Variants in DAB1 observed in about 807,000 individuals in gnomAD.
The protein encoded by DAB1 is DAB adaptor protein 1.
A neutral mutation model predicts 64.6 loss-of-function variants in DAB1; 15 were observed. That is an observed-to-expected ratio of 0.23 (90% CI 0.16 to 0.36). The LOEUF is 0.36. Among genes scored for constraint, DAB1 ranks in the 10% least tolerant of loss-of-function variants. DAB1 has a pLI of 1.00. For missense variants in DAB1, 596 were observed against 706.7 expected, an observed-to-expected ratio of 0.84 and a Z score of 1.78; for synonymous variants, 235 against 251.9, an observed-to-expected ratio of 0.93 and a Z score of 0.64.
At chr1:57,695,384 GAAAGAAAGAAAGAAAGA>G (rs1557427863) in intron 6 of DAB1, among the ~76,000 whole-genome samples, 1,915 of 73,358 alleles carry the variant, frequency 0.026, 75 homozygotes, top group Middle Eastern at 0.03. Flanking sequence ...AAGAAAGAAA[GAAAGAAAGAAAGAAAGA>G]AAGAAAGAAA....
At chr1:57,031,734 T>G (rs1391346218) in intron 9 of DAB1, among the ~76,000 whole-genome samples, 1 of 152,210 alleles carries the variant, frequency 6.6e-6, no homozygotes, top group Non-Finnish European at 1.5e-5. Context: ...GAAATCTGGG[T>G]TGCTAGGAGG....
At chr1:58,455,649 T>C (rs748091581) in intron 3 of DAB1, among the ~76,000 whole-genome samples, 1 of 152,252 alleles carries the variant, frequency 6.6e-6, no homozygotes, top group Non-Finnish European at 1.5e-5. Context: ...TTCTATTTAA[T>C]TATTCACAAT....
chr1:57,658,364 C>T (rs1405658369), intron 6 of DAB1, among the ~76,000 whole-genome samples: 3 of 144,838 alleles, frequency 2.1e-5, no homozygotes, highest in South Asian at 4.4e-4. Flanking sequence ...AGTGCAGTGG[C>T]GTGATTTCTG....
chr1:58,175,496 T>C (rs753833632), intron 4 of DAB1, among the ~76,000 whole-genome samples: 3 of 152,224 alleles, frequency 2.0e-5, no homozygotes, highest in Non-Finnish European at 2.9e-5. Context: ...TTGTTATTAT[T>C]TGACTTTTTG....
At chr1:58,000,287 T>C (rs929013111) in intron 5 of DAB1, among the ~76,000 whole-genome samples, 5 of 152,226 alleles carry the variant, frequency 3.3e-5, no homozygotes, top group Admixed American at 6.5e-5. Context: ...AAAAGCATGT[T>C]GTCCTCTGAT....
At chr1:58,181,638 C>G (rs1656798738) in intron 4 of DAB1, among the ~76,000 whole-genome samples, 1 of 152,008 alleles carries the variant, frequency 6.6e-6, no homozygotes, top group Non-Finnish European at 1.5e-5. Context: ...TCAACATGCA[C>G]CTTAACTTTT....
Position 57,762,940 on chromosome 1 carries a change from C to A in DAB1, n.552-113275G>T, listed in dbSNP as rs563544944. Among the ~76,000 whole-genome samples the A allele has an allele frequency of 3.9e-5, 6 of 152,324 alleles. No homozygotes were observed. The South Asian group carries it at 1.2e-3, about 32-fold the overall frequency. Reference sequence around the variant, plus strand: ...GTTCCTCATGTGGGCTAGGCCCTGACGTAGACGTCAGACATGCAGAAGTGA... The same window carrying A: ...GTTCCTCATGTGGGCTAGGCCCTGAAGTAGACGTCAGACATGCAGAAGTGA... On this transcript the variant is annotated intron_variant and non_coding_transcript_variant, in intron 6 of 20. Transcript: ENST00000485760.
chr1:57,375,115 C>T (rs939966775), intron 1 of DAB1, among the ~76,000 whole-genome samples: 1 of 152,142 alleles, frequency 6.6e-6, no homozygotes, highest in Non-Finnish European at 1.5e-5. Flanking sequence ...CTGATGGAGA[C>T]AAAGGAACTC....
chr1:58,304,049 T>C (rs1434487086), intron 4 of DAB1, among the ~76,000 whole-genome samples: 4 of 152,118 alleles, frequency 2.6e-5, no homozygotes, highest in Admixed American at 6.6e-5. Context: ...CAAATAGACT[T>C]GCCCAGGGTG....
rs545077380 is a variant in DAB1 at position 58,358,002 on chromosome 1, G to C, written n.258-14599C>G. ...CTGAAGATTGCCAAACCTTAATTCAGTCTTTTATTCTGCAAGTAAATTTCC... is the reference window on the plus strand; with the variant it reads ...CTGAAGATTGCCAAACCTTAATTCACTCTTTTATTCTGCAAGTAAATTTCC... On this transcript the variant is annotated intron_variant and non_coding_transcript_variant, in intron 3 of 20. Transcript: ENST00000485760. Among the ~76,000 whole-genome samples, 5 of 152,254 alleles carry C rather than the reference G, an allele frequency of 3.3e-5. 1 individual carries two copies. In the South Asian group the frequency reaches 1.0e-3, roughly 32 times the overall value.
chr1:58,409,079 A>G (rs987980765), intron 3 of DAB1, among the ~76,000 whole-genome samples: 2 of 152,172 alleles, frequency 1.3e-5, no homozygotes, highest in Non-Finnish European at 2.9e-5. Context: ...TCAGCTATGT[A>G]CTCTATATAC....
intron 7 of DAB1, among the ~76,000 whole-genome samples, chr1:57,597,071 C>T (rs904102376): frequency 1.3e-5 from 2 of 152,164 alleles, no homozygotes; most frequent in Non-Finnish European, 2.9e-5. Context: ...TCACATCATT[C>T]GCACCAACAC....
In DAB1 at chr1:58,300,632, G is replaced by C. The variant is rs868109682; in HGVS notation, n.309+42720C>G. Among the ~76,000 whole-genome samples the C allele has an allele frequency of 5.5e-3, 383 of 69,808 alleles. 23 individuals are homozygous for C. Among genetic ancestry groups the C allele is most frequent in the African/African-American group, 0.019 (364 of 19,450 alleles). The allele number at this position is 69,808 out of a possible 152,430, so 45.8% of individuals were successfully genotyped here. On this transcript the variant is annotated intron_variant and non_coding_transcript_variant, in intron 4 of 20. Coordinates refer to the DAB1 transcript ENST00000485760. ...AGAAAGAGAGAGAGAGAGAGAGAGA[G>C]AGAGAGAGAGAGAGAGGAAGGAAGG...
chr1:57,431,711 A>G lies in DAB1; in HGVS notation n.626-140545T>C, dbSNP rs115131091. On this transcript the variant is annotated intron_variant and non_coding_transcript_variant, in intron 7 of 20. Coordinates refer to the DAB1 transcript ENST00000485760. ...ATGCACAGTAGAAACAAAAGTGGAG[A>G]GCTAAAGTGATTGTCAAAGGACTCT... 4.1e-3 allele frequency among the ~76,000 whole-genome samples: 626 copies of G among 152,340 alleles called. 5 individuals are homozygous for G. The highest frequency in any genetic ancestry group is 0.014 in the African/African-American group (580 of 41,578).
chr1:58,023,959 T>C (rs1646850708), intron 5 of DAB1, among the ~76,000 whole-genome samples: 1 of 152,196 alleles, frequency 6.6e-6, no homozygotes, highest in Non-Finnish European at 1.5e-5. Flanking sequence ...ATTTCAAGGT[T>C]GTTATCTCAC....
intron 1 of DAB1, chr1:57,860,497 A>G (rs1653960623): frequency 6.6e-6 from 1 of 152,228 alleles, no homozygotes; most frequent in Non-Finnish European, 1.5e-5. Flanking sequence ...TGTTTGGAAC[A>G]CAAGGATGAA....
chr1:58,113,194 C>A (rs759174510), intron 5 of DAB1, among the ~76,000 whole-genome samples: 1 of 152,100 alleles, frequency 6.6e-6, no homozygotes, highest in African/African-American at 2.4e-5. Flanking sequence ...GACATGATGC[C>A]CAGACTGAGT....
chr1:57,462,920 G>T (rs994135061), intron 7 of DAB1, among the ~76,000 whole-genome samples: 1 of 152,120 alleles, frequency 6.6e-6, no homozygotes, highest in Non-Finnish European at 1.5e-5. Flanking sequence ...CTCAAGGAAG[G>T]CTCTTTGAAG....
chr1:58,218,677 C>T (rs764035033), intron 4 of DAB1, among the ~76,000 whole-genome samples: 1 of 151,968 alleles, frequency 6.6e-6, no homozygotes, highest in Non-Finnish European at 1.5e-5. Flanking sequence ...GGAGAAGGTG[C>T]TGAGAAATGA....
Sources: allele counts gnomAD v4.1 joint callset (sites outside exome capture counted in the v4.1 genomes callset), GRCh38; gene constraint gnomAD v4.1.1; transcripts MANE v1.5; gene names NCBI Gene and HGNC (gene_info 2026-07-23, HGNC 2026-07-21).